The following GRM7 variants were observed in gnomAD, a reference collection of about 807,000 sequenced individuals.
The protein encoded by GRM7 is metabotropic glutamate receptor 7.
Under a neutral mutation model 84.5 loss-of-function variants are expected in GRM7, and 35 were observed. The observed-to-expected ratio is 0.41, with a 90% CI of 0.32 to 0.55. The LOEUF (loss-of-function observed/expected upper bound fraction) is 0.55. Ranked by LOEUF, GRM7 falls within the 20% of genes least tolerant of loss-of-function variation. The probability of loss-of-function intolerance (pLI) is 0.19; values close to 1 mark genes in which losing one functional copy is unlikely to be tolerated. For missense variants in GRM7, 1,003 were observed against 1,194.6 expected (o/e 0.84, Z 2.36); for synonymous variants, 487 against 455.1 (o/e 1.07, Z -0.89).
intron 9 of GRM7, among the ~76,000 whole-genome samples, chr3:7,710,762 C>T (rs1378829883): frequency 1.3e-5 from 2 of 152,132 alleles, no homozygotes; most frequent in African/African-American, 2.4e-5. Flanking sequence ...GGGTATAAAA[C>T]TCTTGAAAGA....
intron 1 of GRM7, among the ~76,000 whole-genome samples, chr3:6,864,975 A>T (rs1054225397): frequency 5.3e-5 from 8 of 152,202 alleles, no homozygotes; most frequent in African/African-American, 1.9e-4. Flanking sequence ...CTCTTTACAC[A>T]CTGAGTGGGT....
At chr3:7,443,210 C>G (rs990746239) in intron 5 of GRM7, among the ~76,000 whole-genome samples, 5 of 152,052 alleles carry the variant, frequency 3.3e-5, no homozygotes, top group African/African-American at 1.2e-4. Context: ...ATAATCTGGC[C>G]AATTTATTTT....
rs79344744 is a variant in GRM7, at chr3:7,571,455, C to T, written c.1516-6967C>T. ...AAAGTTCCACAAATCTCTAGGGCAGCGGAAAAATGCCACCAAGTCTCTTTG... is the reference window on the plus strand; with the variant it reads ...AAAGTTCCACAAATCTCTAGGGCAGTGGAAAAATGCCACCAAGTCTCTTTG... On this transcript the variant is annotated intron_variant, in intron 7 of 9. Transcript: ENST00000357716. 7.4e-3 allele frequency among the ~76,000 whole-genome samples: 1,120 copies of T among 152,236 alleles called. 17 individuals carry two copies. The highest frequency in any genetic ancestry group is 0.026 in the African/African-American group (1,062 of 41,542).
At chr3:7,542,530 C>A (rs1692931739) in intron 7 of GRM7, among the ~76,000 whole-genome samples, 1 of 150,982 alleles carries the variant, frequency 6.6e-6, no homozygotes, top group Non-Finnish European at 1.5e-5. Flanking sequence ...CTTTTTAATT[C>A]CCTGAGTTTC....
chr3:7,355,465 G>A (rs541346826), intron 4 of GRM7, among the ~76,000 whole-genome samples: 1 of 152,214 alleles, frequency 6.6e-6, no homozygotes, highest in South Asian at 2.1e-4. Context: ...TAGAGGTGCT[G>A]CTTGGAGCAT....
intron 4 of GRM7, among the ~76,000 whole-genome samples, chr3:7,325,685 C>T (rs1378784117): frequency 6.6e-6 from 1 of 152,172 alleles, no homozygotes; most frequent in African/African-American, 2.4e-5. Flanking sequence ...TTGACATAAC[C>T]ATTCTGGTCA....
At chr3:7,451,778 A>C (rs1203193663) in intron 5 of GRM7, 1 of 152,208 alleles carries the variant, frequency 6.6e-6, no homozygotes, top group African/African-American at 2.4e-5. Flanking sequence ...GCACTTAGTC[A>C]ATATCAGTTG....
At chr3:7,459,426 C>G (rs1352651754) in intron 6 of GRM7, among the ~76,000 whole-genome samples, 1 of 152,118 alleles carries the variant, frequency 6.6e-6, no homozygotes, top group Non-Finnish European at 1.5e-5. Context: ...CATTTTCACA[C>G]TGCTGCACTG....
At chr3:7,605,849 A>C (rs1696535252) in intron 8 of GRM7, among the ~76,000 whole-genome samples, 1 of 152,226 alleles carries the variant, frequency 6.6e-6, no homozygotes, top group Non-Finnish European at 1.5e-5. Flanking sequence ...TAACATCTCC[A>C]TCACAGCTAC....
chr3:6,944,543 T>C (rs995819580), intron 1 of GRM7, among the ~76,000 whole-genome samples: 4 of 152,162 alleles, frequency 2.6e-5, no homozygotes, highest in Admixed American at 2.6e-4. Flanking sequence ...TCATGACAAA[T>C]GATCATTTTT....
intron 4 of GRM7, among the ~76,000 whole-genome samples, chr3:7,413,040 G>C (rs1190767702): frequency 6.6e-6 from 1 of 151,878 alleles, no homozygotes; most frequent in Non-Finnish European, 1.5e-5. Flanking sequence ...TCTAATTTCT[G>C]CTTCTACCCC....
chr3:7,608,207 C>T (rs1188711835), intron 8 of GRM7: 1 of 153,382 alleles, frequency 6.5e-6, no homozygotes, highest in African/African-American at 2.4e-5. Flanking sequence ...GTACATGTGT[C>T]TTTATGGTAA....
chr3:7,171,674 A>G (rs187479260), intron 2 of GRM7, among the ~76,000 whole-genome samples: 1 of 152,338 alleles, frequency 6.6e-6, no homozygotes, highest in Non-Finnish European at 1.5e-5. Context: ...TAAACAAACA[A>G]AAGGTAAACC....
chr3:7,134,332 A>G (rs1693701168), intron 1 of GRM7, among the ~76,000 whole-genome samples: 1 of 152,082 alleles, frequency 6.6e-6, no homozygotes, highest in Non-Finnish European at 1.5e-5. Flanking sequence ...GTTCTAAGTG[A>G]TAGTCTATCT....
intron 5 of GRM7, among the ~76,000 whole-genome samples, chr3:7,416,997 C>G (rs1219949221): frequency 2.0e-5 from 3 of 151,956 alleles, no homozygotes; most frequent in Non-Finnish European, 2.9e-5. Flanking sequence ...TAGGATTGTC[C>G]CACTCTGAGG....
intron 1 of GRM7, among the ~76,000 whole-genome samples, chr3:7,123,224 T>TA (rs1453441057): frequency 1.3e-5 from 2 of 152,260 alleles, no homozygotes; most frequent in African/African-American, 4.8e-5. Flanking sequence ...TGCAGTTCTT[T>TA]AAGCTGCCTT....
intron 5 of GRM7, among the ~76,000 whole-genome samples, chr3:7,418,726 A>T (rs1222176686): frequency 6.6e-6 from 1 of 152,108 alleles, no homozygotes; most frequent in Admixed American, 6.6e-5. Flanking sequence ...ACATTACACA[A>T]ATGAAGTGAC....
At chr3:7,424,307 A>G (rs1016911250) in intron 5 of GRM7, among the ~76,000 whole-genome samples, 3 of 151,968 alleles carry the variant, frequency 2.0e-5, no homozygotes, top group African/African-American at 4.8e-5. Flanking sequence ...CAAAAAAAAA[A>G]GGAAAAAGAA....
At chr3:6,964,208 G>T (rs1213514669) in intron 1 of GRM7, among the ~76,000 whole-genome samples, 1 of 152,116 alleles carries the variant, frequency 6.6e-6, no homozygotes, top group Non-Finnish European at 1.5e-5. Context: ...CTATGGACTG[G>T]GTGGCTTATA....
Sources: allele counts gnomAD v4.1 joint callset (sites outside exome capture counted in the v4.1 genomes callset), GRCh38; gene constraint gnomAD v4.1.1; transcripts MANE v1.5; gene names NCBI Gene and HGNC (gene_info 2026-07-23, HGNC 2026-07-21).